UBE2QL1: variants seen among roughly 807,000 people sequenced by gnomAD.
The protein encoded by UBE2QL1 is ubiquitin-conjugating enzyme E2Q-like protein 1.
In UBE2QL1, 5 loss-of-function variants were observed where a neutral mutation model predicts 12.6. The observed-to-expected ratio is 0.40, with a 90% CI of 0.21 to 0.83. UBE2QL1 has a LOEUF of 0.83. Ranked by LOEUF, UBE2QL1 falls within the 40% of genes least tolerant of loss-of-function variation. The pLI, the probability that UBE2QL1 is intolerant of heterozygous loss-of-function variation, is 0.37. For synonymous variants in UBE2QL1, 96 were observed against 94.5 expected (o/e 1.02, Z -0.10); for missense variants, 99 against 222.6 (o/e 0.44, Z 3.53).
chr5:6,456,738 C>T (rs561882849), intron 1 of UBE2QL1, among the ~76,000 whole-genome samples: 150 of 152,234 alleles, frequency 9.9e-4, no homozygotes, highest in African/African-American at 3.5e-3. Flanking sequence ...GGGAGGAAAC[C>T]AGCTGAGTGG....
At chr5:6,469,008 A>G (rs73036256) in intron 1 of UBE2QL1, among the ~76,000 whole-genome samples, 269 of 152,346 alleles carry the variant, frequency 1.8e-3, no homozygotes, top group African/African-American at 6.2e-3. Context: ...AGAGGCTGAC[A>G]GACTTGTGCG....
chr5:6,486,416 A>G (rs1009181834), intron 1 of UBE2QL1, among the ~76,000 whole-genome samples: 4 of 151,982 alleles, frequency 2.6e-5, no homozygotes, highest in African/African-American at 7.3e-5. Flanking sequence ...CACACCTTCA[A>G]TTTGGGACCC....
intron 1 of UBE2QL1, among the ~76,000 whole-genome samples, chr5:6,460,868 G>A (rs1283913794): frequency 6.6e-6 from 1 of 152,158 alleles, no homozygotes; most frequent in African/African-American, 2.4e-5. Flanking sequence ...GTTACAGAAT[G>A]CAATGCCCAC....
rs541544385 is a variant in UBE2QL1, at chr5:6,479,515, G to A, written c.355-11703G>A. Among the ~76,000 whole-genome samples, 9 of 152,300 alleles carry A rather than the reference G, an allele frequency of 5.9e-5. No individual in the cohort carries two copies. Among genetic ancestry groups the A allele is most frequent in the African/African-American group, 2.2e-4 (9 of 41,554 alleles). ...TGGAGCCAAGTCCAAGGAGTAAAAT[G>A]TTGAAGCAAATGAAGAGGTGCTGAT... On this transcript the variant is annotated intron_variant, in intron 1 of 1. Coordinates refer to ENST00000399816, the MANE Select transcript of UBE2QL1 (RefSeq NM_001145161.3). The surrounding 1 kb of genome is among the most constrained non-coding windows in gnomAD (Gnocchi z 4.2).
chr5:6,476,897 T>A lies in UBE2QL1; in HGVS notation c.355-14321T>A, dbSNP rs1734245077. 6.6e-6 allele frequency among the ~76,000 whole-genome samples: 1 copy of A among 151,966 alleles called. No individual in the cohort carries two copies. The highest frequency in any genetic ancestry group is 2.1e-4 in the South Asian group (1 of 4,812). On this transcript the variant is annotated intron_variant, in intron 1 of 1. Coordinates refer to ENST00000399816, the MANE Select transcript of UBE2QL1 (RefSeq NM_001145161.3). This position sits in a 1 kb window ranked among gnomAD's most constrained non-coding sequence, Gnocchi z 4.9. ...TCTTGGCATAGAGAGAGTGGAAACA[T>A]CCCCTTCCCCTTGGAAACCAGACCC...
chr5:6,462,511 C>T (rs1739694719), intron 1 of UBE2QL1, among the ~76,000 whole-genome samples: 1 of 152,326 alleles, frequency 6.6e-6, no homozygotes, highest in Admixed American at 6.5e-5. Flanking sequence ...GCTGCCAGGG[C>T]CCAGCTCCTC....
At chr5:6,487,448 G>A (rs1051662251) in intron 1 of UBE2QL1, among the ~76,000 whole-genome samples, 1 of 152,234 alleles carries the variant, frequency 6.6e-6, no homozygotes, top group South Asian at 2.1e-4. Context: ...TTAACCATGT[G>A]TGGCTCAGGA....
At chr5:6,467,827 A>G (rs1739830294) in intron 1 of UBE2QL1, among the ~76,000 whole-genome samples, 2 of 148,264 alleles carry the variant, frequency 1.3e-5, no homozygotes, top group Admixed American at 1.4e-4. Context: ...CAGCATCGAC[A>G]CATTCCTCCT....
intron 1 of UBE2QL1, among the ~76,000 whole-genome samples, chr5:6,463,663 T>C (rs1466308495): frequency 6.7e-6 from 1 of 149,980 alleles, no homozygotes; most frequent in Non-Finnish European, 1.5e-5. Flanking sequence ...AGTCTTGCTC[T>C]GTCGCCCAGG....
chr5:6,450,261 G>A (rs76350848), intron 1 of UBE2QL1, among the ~76,000 whole-genome samples: 1 of 151,964 alleles, frequency 6.6e-6, no homozygotes, highest in Non-Finnish European at 1.5e-5. Context: ...CCTTTATCAG[G>A]GCTAAAGATT....
intron 1 of UBE2QL1, among the ~76,000 whole-genome samples, chr5:6,459,445 A>G (rs1739604084): frequency 6.6e-6 from 1 of 152,186 alleles, no homozygotes; most frequent in African/African-American, 2.4e-5. Context: ...CAGGTGACCA[A>G]CCACAGGAGT....
At chr5:6,453,081 A>G (rs1316943488) in intron 1 of UBE2QL1, among the ~76,000 whole-genome samples, 2 of 152,234 alleles carry the variant, frequency 1.3e-5, no homozygotes, top group East Asian at 3.8e-4. Context: ...CTGCAGCAGC[A>G]GCAGCAGCAG....
At chr5:6,463,732 G>A (rs1043986165) in intron 1 of UBE2QL1, among the ~76,000 whole-genome samples, 8 of 141,538 alleles carry the variant, frequency 5.7e-5, no homozygotes, top group African/African-American at 7.9e-5. Context: ...GGTTCACGCC[G>A]TTCTCCTGCC....
chr5:6,468,049 T>G (rs769384411), intron 1 of UBE2QL1, among the ~76,000 whole-genome samples: 14 of 152,180 alleles, frequency 9.2e-5, no homozygotes, highest in Non-Finnish European at 1.6e-4. Context: ...CTTTGGCACT[T>G]TTCCCATTTC....
At chr5:6,487,068 G>A (rs1734480385) in intron 1 of UBE2QL1, among the ~76,000 whole-genome samples, 1 of 152,176 alleles carries the variant, frequency 6.6e-6, no homozygotes, top group Admixed American at 6.5e-5. Flanking sequence ...ACTTTGTCTT[G>A]TTTGACCCAG....
chr5:6,461,740 C>A (rs1739670536), intron 1 of UBE2QL1, among the ~76,000 whole-genome samples: 1 of 152,102 alleles, frequency 6.6e-6, no homozygotes, highest in African/African-American at 2.4e-5. Flanking sequence ...TTTATGTCTC[C>A]TTTTTGCTCC....
intron 1 of UBE2QL1, among the ~76,000 whole-genome samples, chr5:6,485,483 C>G (rs970508182): frequency 2.0e-5 from 3 of 152,198 alleles, no homozygotes; most frequent in Non-Finnish European, 2.9e-5. Flanking sequence ...TGGTTTTCCT[C>G]AAGCCAAGAG....
At chr5:6,482,828 G>A (rs1245920556) in intron 1 of UBE2QL1, among the ~76,000 whole-genome samples, 1 of 152,200 alleles carries the variant, frequency 6.6e-6, no homozygotes, top group African/African-American at 2.4e-5. Context: ...AACACCCTTA[G>A]TGCACAGGAG....
intron 1 of UBE2QL1, among the ~76,000 whole-genome samples, chr5:6,451,461 T>C (rs568859379): frequency 6.6e-6 from 1 of 152,226 alleles, no homozygotes; most frequent in African/African-American, 2.4e-5. Flanking sequence ...AAGTGAGAGA[T>C]TTCTTTATTG....
Sources: allele counts gnomAD v4.1 joint callset (sites outside exome capture counted in the v4.1 genomes callset), GRCh38; gene constraint gnomAD v4.1.1; non-coding constraint Gnocchi (gnomAD v3.1); transcripts MANE v1.5; gene names NCBI Gene and HGNC (gene_info 2026-07-23, HGNC 2026-07-21).